The following KIAA1217 variants were observed in gnomAD, a reference collection of about 807,000 sequenced individuals.
KIAA1217 encodes the protein sickle tail protein homolog.
KIAA1217 carries 88 observed loss-of-function variants against 163.9 expected under a neutral mutation model. The ratio of observed to expected loss-of-function variants is 0.54; its 90% CI spans 0.45 to 0.64. The LOEUF is 0.64. Among genes scored for constraint, KIAA1217 ranks in the 30% least tolerant of loss-of-function variants. The pLI, the probability that KIAA1217 is intolerant of heterozygous loss-of-function variation, is 0.00. For synonymous variants in KIAA1217, 903 were observed against 923.1 expected (o/e 0.98, Z 0.39); for missense variants, 2,372 against 2,475.0 (o/e 0.96, Z 0.88).
At chr10:23,943,846 T>A (rs772093919) in intron 1 of KIAA1217, among the ~76,000 whole-genome samples, 1 of 152,126 alleles carries the variant, frequency 6.6e-6, no homozygotes, top group African/African-American at 2.4e-5. Flanking sequence ...GGAAAGAAAG[T>A]CCTACCTACA....
At chr10:24,301,706 CA>C (rs1490261515) in intron 2 of KIAA1217, among the ~76,000 whole-genome samples, 2 of 152,106 alleles carry the variant, frequency 1.3e-5, no homozygotes, top group African/African-American at 4.8e-5. Context: ...TTAAAGGCAA[CA>C]GAAGTTCCAC....
intron 1 of KIAA1217, among the ~76,000 whole-genome samples, chr10:23,935,935 T>C (rs1176052381): frequency 6.6e-6 from 1 of 152,148 alleles, no homozygotes; most frequent in African/African-American, 2.4e-5. Context: ...CTAGATGGTT[T>C]GATAATAAAG....
intron 1 of KIAA1217, among the ~76,000 whole-genome samples, chr10:23,744,407 G>A (rs890014076): frequency 6.6e-6 from 1 of 152,168 alleles, no homozygotes; most frequent in African/African-American, 2.4e-5. Flanking sequence ...TAATTCCTCA[G>A]AGGACACACT....
Position 24,360,264 on chromosome 10 carries a change from T to C in KIAA1217, c.355-20605T>C, listed in dbSNP as rs571966006. The stretch of plus-strand genomic sequence containing the variant: ...GGTTTCACCATGTTGGCCAGGCTGG[T>C]CTTGAACTCCTGACCTCAAGTGATC... On this transcript the variant is annotated intron_variant, in intron 2 of 20. Coordinates refer to ENST00000376454, the MANE Select transcript of KIAA1217 (RefSeq NM_019590.5). 1.1e-3 allele frequency among the ~76,000 whole-genome samples: 167 copies of C among 152,146 alleles called. 1 individual carries two copies. Among genetic ancestry groups the C allele is most frequent in the Admixed American group, 9.5e-3 (145 of 15,256 alleles).
At chr10:23,940,876 C>A (rs1843738401) in intron 1 of KIAA1217, among the ~76,000 whole-genome samples, 1 of 152,202 alleles carries the variant, frequency 6.6e-6, no homozygotes, top group African/African-American at 2.4e-5. Flanking sequence ...GTGTAAATAT[C>A]TATTTTACAA....
rs567977226 is a variant in KIAA1217, at chr10:24,302,023, C to T, written c.355-78846C>T. Among the ~76,000 whole-genome samples, 8 of 152,114 alleles carry T rather than the reference C, an allele frequency of 5.3e-5. No individual in the cohort carries two copies. The South Asian group carries it at 8.3e-4, about 16-fold the overall frequency. On this transcript the variant is annotated intron_variant, in intron 2 of 20. Transcript: ENST00000376454. The stretch of plus-strand genomic sequence containing the variant: ...TCACGCCACTGCACTTCAGCCTGGG[C>T]GACAGATTAAGACTCCATCTCAAAG...
chr10:24,240,917 C>T (rs1415149498), intron 2 of KIAA1217, among the ~76,000 whole-genome samples: 4 of 151,808 alleles, frequency 2.6e-5, no homozygotes, highest in Admixed American at 6.6e-5. Flanking sequence ...AGTGCAGTGG[C>T]GCGATCTTGG....
intron 2 of KIAA1217, among the ~76,000 whole-genome samples, chr10:24,072,659 A>G (rs1334811779): frequency 1.3e-5 from 2 of 152,228 alleles, no homozygotes; most frequent in African/African-American, 4.8e-5. Flanking sequence ...ATTCTTGGGC[A>G]GCCACCACCA....
chr10:24,306,549 A>G (rs896508775), intron 2 of KIAA1217, among the ~76,000 whole-genome samples: 1 of 152,146 alleles, frequency 6.6e-6, no homozygotes, highest in African/African-American at 2.4e-5. Flanking sequence ...CTCCCTGGCC[A>G]CCTGGTAAGT....
chr10:23,824,119 A>G (rs534781995), intron 1 of KIAA1217, among the ~76,000 whole-genome samples: 1 of 151,950 alleles, frequency 6.6e-6, no homozygotes, highest in African/African-American at 2.4e-5. Context: ...AAAAAATACA[A>G]AAAATTAGCC....
chr10:23,760,177 G>A (rs181503725), intron 1 of KIAA1217, among the ~76,000 whole-genome samples: 5 of 152,348 alleles, frequency 3.3e-5, no homozygotes, highest in Admixed American at 6.5e-5. Context: ...AGCTGAAAGT[G>A]CATTGCACTT....
intron 1 of KIAA1217, among the ~76,000 whole-genome samples, chr10:24,002,088 T>C (rs1050299853): frequency 6.6e-5 from 10 of 152,174 alleles, no homozygotes; most frequent in African/African-American, 2.4e-5. Context: ...GGCAGGCAGC[T>C]GATGCCGACT....
intron 2 of KIAA1217, among the ~76,000 whole-genome samples, chr10:24,340,421 G>A (rs1267351994): frequency 2.0e-5 from 3 of 152,168 alleles, no homozygotes; most frequent in South Asian, 4.1e-4. Context: ...TGCCACGTAA[G>A]CCATGCCTTT....
Position 24,219,606 on chromosome 10 carries a change from C to G in KIAA1217, c.71-20C>G, listed in dbSNP as rs746777611. 1 of 1,551,438 alleles carries G rather than the reference C, an allele frequency of 6.4e-7. No individual in the cohort carries two copies. Among genetic ancestry groups the G allele is most frequent in the Non-Finnish European group, 8.7e-7 (1 of 1,147,658 alleles). ...TAGTGTGAAATCATTAATTGTGAAC[C>G]GAATTTTTTTGTCTTTCAGAACAAG... On this transcript the variant is annotated intron_variant, in intron 1 of 20. Transcript: ENST00000376454.
intron 1 of KIAA1217, among the ~76,000 whole-genome samples, chr10:23,703,549 T>A (rs1836635685): frequency 6.6e-6 from 1 of 152,210 alleles, no homozygotes; most frequent in Non-Finnish European, 1.5e-5. Context: ...CCAATTTCTG[T>A]ATCGTAAATA....
chr10:24,362,008 A>C (rs576365367), intron 2 of KIAA1217, among the ~76,000 whole-genome samples: 57 of 151,296 alleles, frequency 3.8e-4, no homozygotes, highest in African/African-American at 1.3e-3. Context: ...AAAAAAAGAA[A>C]GAAAGAAAAA....
At position 23,971,215 on chromosome 10, in the gene KIAA1217, C is replaced by T. The variant is rs182453388; in HGVS notation, c.-320-36010C>T. ...AGGTTGTACACATGCTCTTTTGAGGCGCTCTTCCCTTACCAGTTGAATATT... is the reference window on the plus strand; with the variant it reads ...AGGTTGTACACATGCTCTTTTGAGGTGCTCTTCCCTTACCAGTTGAATATT... On this transcript the variant is annotated intron_variant, in intron 1 of 18. Transcript: ENST00000376462. Among the ~76,000 whole-genome samples the T allele has an allele frequency of 2.5e-4, 38 of 152,308 alleles. No individual in the cohort carries two copies. In the East Asian group the frequency reaches 3.7e-3, roughly 15 times the overall value.
intron 2 of KIAA1217, among the ~76,000 whole-genome samples, chr10:24,177,582 A>T (rs1390399790): frequency 6.6e-6 from 1 of 151,824 alleles, no homozygotes; most frequent in Non-Finnish European, 1.5e-5. Flanking sequence ...TTGACCTGTG[A>T]TATATGTAAA....
intron 1 of KIAA1217, among the ~76,000 whole-genome samples, chr10:23,831,198 C>A (rs1456905971): frequency 2.0e-5 from 3 of 150,968 alleles, no homozygotes; most frequent in Non-Finnish European, 2.9e-5. Context: ...TTGACATAGA[C>A]AATGATTTTG....
Sources: gnomAD v4.1 joint callset for allele counts (sites outside exome capture counted in the v4.1 genomes callset) on GRCh38, gnomAD v4.1.1 for gene constraint, MANE v1.5 for transcripts, NCBI Gene and HGNC (gene_info 2026-07-23, HGNC 2026-07-21) for gene names.